The following ADAMTS17 variants were observed in gnomAD, a reference collection of about 807,000 sequenced individuals.
ADAMTS17 encodes the protein A disintegrin and metalloproteinase with thrombospondin motifs 17.
A neutral mutation model predicts 141.5 loss-of-function variants in ADAMTS17; 113 were observed. The ratio of observed to expected loss-of-function variants is 0.80; its 90% confidence interval spans 0.69 to 0.93. ADAMTS17 has a LOEUF of 0.93. Among genes scored for constraint, ADAMTS17 ranks in the 40% least tolerant of loss-of-function variants. The pLI is 0.00. For missense variants in ADAMTS17, 1,659 were observed against 1,517.9 expected, an observed-to-expected ratio of 1.09 and a Z score of -1.54; for synonymous variants, 768 against 630.6, an observed-to-expected ratio of 1.22 and a Z score of -3.27.
Position 99,976,160 on chromosome 15 carries a change from T to C in ADAMTS17, c.3012A>G (p.Thr1004=). Residue 1004 remains threonine (T), a synonymous_variant, in exon 21 of 22, where the codon ACA becomes ACG. Transcript: ENST00000268070. The part of the protein sequence containing the change: ...SRVVQCMHKV[T]GRHGSECPAL... ...CGGGGCACTCGCTGCCGTGGCGCCC[T>C]GTGACCTTGTGCATGCACTGCACCA... 1 of 1,550,554 alleles carries C rather than the reference T, an allele frequency of 6.4e-7. No homozygotes were observed. Among genetic ancestry groups the C allele is most frequent in the Non-Finnish European group, 8.7e-7 (1 of 1,146,984 alleles).
chr15:100,100,149 G>A (rs1259379403), intron 14 of ADAMTS17, among the ~76,000 whole-genome samples: 3 of 152,164 alleles, frequency 2.0e-5, no homozygotes, highest in African/African-American at 7.2e-5. Flanking sequence ...GATGGAGGGA[G>A]ACGCCAGTGC....
At chr15:100,217,009 A>C (rs28576590) in intron 7 of ADAMTS17, among the ~76,000 whole-genome samples, 1 of 152,090 alleles carries the variant, frequency 6.6e-6, no homozygotes, top group Admixed American at 6.5e-5. Context: ...AGTTTCCTGA[A>C]GCTGAAAATG....
chr15:100,059,206 G>A (rs2032911628), intron 15 of ADAMTS17, among the ~76,000 whole-genome samples: 1 of 152,242 alleles, frequency 6.6e-6, no homozygotes. Flanking sequence ...ACTTGTTTGA[G>A]GCCAGGCGTG....
chr15:100,273,135 C>G (rs982086358), intron 4 of ADAMTS17, among the ~76,000 whole-genome samples: 2 of 152,022 alleles, frequency 1.3e-5, no homozygotes, highest in Non-Finnish European at 2.9e-5. Flanking sequence ...AATATTTGAA[C>G]TATTGTTTTC....
At chr15:100,265,753 A>G (rs964355970) in intron 4 of ADAMTS17, among the ~76,000 whole-genome samples, 6 of 152,340 alleles carry the variant, frequency 3.9e-5, no homozygotes, top group African/African-American at 1.2e-4. Flanking sequence ...ATACACTGCT[A>G]TTAAGACCCC....
intron 4 of ADAMTS17, among the ~76,000 whole-genome samples, chr15:100,274,741 G>C (rs941168780): frequency 6.6e-5 from 10 of 151,934 alleles, no homozygotes; most frequent in Non-Finnish European, 2.9e-5. Flanking sequence ...TAATAGCTTT[G>C]GTTCCTCATT....
At chr15:100,236,027 C>T (rs576596731) in intron 7 of ADAMTS17, among the ~76,000 whole-genome samples, 2 of 152,202 alleles carry the variant, frequency 1.3e-5, no homozygotes, top group African/African-American at 2.4e-5. Flanking sequence ...AATTCGATTC[C>T]TTGCATGACA....
intron 3 of ADAMTS17, among the ~76,000 whole-genome samples, chr15:100,299,627 C>T (rs955386874): frequency 4.6e-5 from 7 of 152,102 alleles, no homozygotes; most frequent in African/African-American, 1.7e-4. Flanking sequence ...GAAAAGAAAT[C>T]GACGGCTTCT....
intron 14 of ADAMTS17, among the ~76,000 whole-genome samples, chr15:100,102,362 AACCGAAGGGGATCTACATTTGAG>A (rs2036157216): frequency 1.2e-5 from 1 of 81,366 alleles, no homozygotes; most frequent in Non-Finnish European, 2.4e-5. Flanking sequence ...TTTGAGGGCC[AACCGAAGGGGATCTACATTTGAG>A]GGCCGACCGA....
chr15:100,262,696 C>T (rs2043567110), intron 4 of ADAMTS17, among the ~76,000 whole-genome samples: 1 of 148,444 alleles, frequency 6.7e-6, no homozygotes. Context: ...CTTTTCTGTA[C>T]ATCTAAAATT....
chr15:100,080,619 G>T (rs540078331), intron 15 of ADAMTS17, among the ~76,000 whole-genome samples: 2 of 152,218 alleles, frequency 1.3e-5, no homozygotes, highest in South Asian at 2.1e-4. Context: ...AGTAGAAAAA[G>T]GTAGTTATCG....
At chr15:100,145,322 G>C (rs75684906) in intron 10 of ADAMTS17, among the ~76,000 whole-genome samples, 1,977 of 152,256 alleles carry the variant, frequency 0.013, 34 homozygotes, top group African/African-American at 0.044. Context: ...AGAGAACAGA[G>C]TCCTCCAAAT....
Position 99,977,373 on chromosome 15 carries a change from TA to T in ADAMTS17, c.2950-1152del, listed in dbSNP as rs1567632100. Among the ~76,000 whole-genome samples the T allele has an allele frequency of 5.2e-4, 9 of 17,214 alleles. 1 individual carries two copies. The highest frequency in any genetic ancestry group is 1.6e-3 in the African/African-American group (6 of 3,740). The allele number at this position is 17,214 out of a possible 152,430, so 11.3% of individuals were successfully genotyped here. On this transcript the variant is annotated intron_variant, in intron 20 of 21. Transcript: ENST00000268070. ...TCATATATATATATATATATATATATATATATATATATATATATATATATAT... is the reference window on the plus strand; with the variant it reads ...TCATATATATATATATATATATATATTATATATATATATATATATATATAT...
intron 4 of ADAMTS17, among the ~76,000 whole-genome samples, chr15:100,280,806 C>G (rs1223180245): frequency 1.4e-5 from 2 of 146,008 alleles, no homozygotes; most frequent in Admixed American, 7.0e-5. Flanking sequence ...CCTTGGTTCT[C>G]TCAACTAGGC....
In ADAMTS17 at chr15:100,281,336, G is replaced by A. The variant is rs1438290433; in HGVS notation, c.682C>T (p.Leu228Phe). 1 of 1,610,738 alleles carries A rather than the reference G, an allele frequency of 6.2e-7. No homozygotes were observed. Among genetic ancestry groups the A allele is most frequent in the South Asian group, 1.1e-5 (1 of 91,060 alleles). The change falls in exon 4 of 22, where the codon CTC (leucine) becomes TTC (phenylalanine). Residue 228 changes from leucine (L) to phenylalanine (F), a missense_variant. Leu to Phe is a conservative substitution (Grantham distance 22). Coordinates refer to ENST00000268070, the MANE Select transcript of ADAMTS17 (RefSeq NM_139057.4). ...DWRERRNAIRLTSEHTVETLV... is the reference protein window; with the variant it reads ...DWRERRNAIRFTSEHTVETLV... ...GTCTCCACCGTGTGCTCGCTGGTGAGCCGGATAGCGTTCCTCCGCTCCCGC... is the reference window on the plus strand; with the variant it reads ...GTCTCCACCGTGTGCTCGCTGGTGAACCGGATAGCGTTCCTCCGCTCCCGC...
Position 100,341,428 on chromosome 15 carries a change from C to T in ADAMTS17, c.80-19G>A. 4 of 1,013,792 alleles carry T rather than the reference C, an allele frequency of 3.9e-6. No homozygotes were observed. Among genetic ancestry groups the T allele is most frequent in the Non-Finnish European group, 4.7e-6 (4 of 850,182 alleles). The allele number at this position is 1,013,792 out of a possible 1,614,324, so 62.8% of individuals were successfully genotyped here. A position where few individuals can be genotyped will look rare whatever the true frequency, so the allele number is the denominator to read the frequency against. On this transcript the variant is annotated intron_variant, in intron 1 of 21. Transcript: ENST00000268070. Reference sequence around the variant, plus strand: ...CCGACAGCTGCGGGGAGAGAGGAGACGCGTCAGCGCGGCGGGGCCCGCCCG... The same window carrying T: ...CCGACAGCTGCGGGGAGAGAGGAGATGCGTCAGCGCGGCGGGGCCCGCCCG...
chr15:99,996,057 T>C (rs887979379), intron 19 of ADAMTS17, among the ~76,000 whole-genome samples: 1 of 146,996 alleles, frequency 6.8e-6, no homozygotes, highest in African/African-American at 2.7e-5. Context: ...TGAGTGGATT[T>C]TTTTTTTTTT....
At chr15:100,313,666 T>TA (rs1295573549) in intron 3 of ADAMTS17, among the ~76,000 whole-genome samples, 1 of 152,210 alleles carries the variant, frequency 6.6e-6, no homozygotes, top group Non-Finnish European at 1.5e-5. Context: ...TGCCTCCTGA[T>TA]AAGATGCACT....
chr15:100,277,943 GA>G (rs1241696263), intron 4 of ADAMTS17, among the ~76,000 whole-genome samples: 1 of 152,220 alleles, frequency 6.6e-6, no homozygotes, highest in Non-Finnish European at 1.5e-5. Flanking sequence ...CGTGCAATGG[GA>G]TACTACTCAT....
Sources: allele counts gnomAD v4.1 joint callset (sites outside exome capture counted in the v4.1 genomes callset), GRCh38; gene constraint gnomAD v4.1.1; transcripts MANE v1.5; gene names NCBI Gene and HGNC (gene_info 2026-07-23, HGNC 2026-07-21).